The following NBPF15 variants were observed in gnomAD, a reference collection of about 807,000 sequenced individuals.
NBPF15 encodes NBPF family member NBPF15.
In NBPF15, 74 loss-of-function variants were observed where a neutral mutation model predicts 62.2. The ratio of observed to expected loss-of-function variants is 1.19; its 90% CI spans 0.99 to 1.44. The LOEUF (loss-of-function observed/expected upper bound fraction) is 1.44, where lower values mean the gene tolerates loss of function less well. NBPF15 is among the 40% of genes most tolerant of loss of function. The pLI, the probability that NBPF15 is intolerant of heterozygous loss-of-function variation, is 0.00. For missense variants in NBPF15, 790 were observed against 550.0 expected (o/e 1.44, Z -4.36); for synonymous variants, 244 against 209.7 (o/e 1.16, Z -1.41).
chr1:144,445,068 G>A (rs1264780498), intron 6 of NBPF15, among the ~76,000 whole-genome samples: 1 of 151,324 alleles, frequency 6.6e-6, no homozygotes, highest in East Asian at 1.9e-4. Context: ...TTATGGATAT[G>A]TACTGGTATC....
intron 6 of NBPF15, among the ~76,000 whole-genome samples, chr1:144,441,722 T>C (rs1275646075): frequency 4.1e-4 from 62 of 151,610 alleles, no homozygotes; most frequent in African/African-American, 1.5e-3. Context: ...TTCATGAAAC[T>C]ATTTCCTATT....
At chr1:144,451,555 G>A (rs587621686) in intron 4 of NBPF15, among the ~76,000 whole-genome samples, 9 of 152,072 alleles carry the variant, frequency 5.9e-5, no homozygotes, top group African/African-American at 1.7e-4. Flanking sequence ...CCTAGGCAGA[G>A]GTCCCTGCAG....
intron 16 of NBPF15, 126 bp downstream of exon 16, chr1:144,427,692 A>T (rs1489774558): frequency 1.6e-6 from 1 of 623,226 alleles, no homozygotes; most frequent in Non-Finnish European, 2.8e-6. Context: ...TTCAACCTAC[A>T]TGTGCCTATA....
chr1:144,434,932 G>T (rs1289264667), intron 12 of NBPF15, among the ~76,000 whole-genome samples, 179 bp downstream of exon 12: 1 of 152,126 alleles, frequency 6.6e-6, no homozygotes, highest in African/African-American at 2.4e-5. Flanking sequence ...ACTTGATACT[G>T]GGGACTGGCA....
chr1:144,458,780 C>T lies in NBPF15; in HGVS notation c.-701+586G>A, dbSNP rs587671376. On this transcript the variant is annotated intron_variant, in intron 3 of 21. Transcript: ENST00000581897. ...CATAGCCGGGTGGGGTGGCTCATGC[C>T]TGTAATCCCCACACTCTGGGAGGTT... 5.9e-5 allele frequency among the ~76,000 whole-genome samples: 9 copies of T among 152,254 alleles called. No homozygotes were observed. In the East Asian group the frequency reaches 1.7e-3, roughly 29 times the overall value.
intron 6 of NBPF15, among the ~76,000 whole-genome samples, chr1:144,447,563 TG>T (rs1688488872): frequency 6.6e-6 from 1 of 151,572 alleles, no homozygotes; most frequent in South Asian, 2.1e-4. Context: ...AAGCCCCAAG[TG>T]GCATAAGACA....
At position 144,423,096 on chromosome 1, in the gene NBPF15, G is replaced by C. The variant is rs782416298; in HGVS notation, c.1930C>G (p.Leu644Val). ...GTAAAAAACCTATTGTCCACGTAAAGGGCGAAGCTGATATGCTCTTCCTCA... is the reference window on the plus strand; with the variant it reads ...GTAAAAAACCTATTGTCCACGTAAACGGCGAAGCTGATATGCTCTTCCTCA... ...SFEEEHISFA[L>V]YVDNRFFTLT... Residue 644 changes from leucine (L) to valine (V), a missense_variant, in exon 22 of 22, where the codon CTT becomes GTT. Leu to Val is a conservative substitution (Grantham distance 32, BLOSUM62 1). Transcript: ENST00000581897. 1.2e-6 allele frequency: 2 copies of C among 1,611,648 alleles called. No homozygotes were observed. Among genetic ancestry groups the C allele is most frequent in the Non-Finnish European group, 8.5e-7 (1 of 1,179,636 alleles).
intron 4 of NBPF15, among the ~76,000 whole-genome samples, chr1:144,455,620 C>G (rs1434398490): frequency 6.6e-6 from 1 of 152,034 alleles, no homozygotes; most frequent in African/African-American, 2.4e-5. Context: ...AGCTTCCCAG[C>G]TGCAGGTGGG....
At chr1:144,424,311 T>C (rs1336444165) in intron 20 of NBPF15, among the ~76,000 whole-genome samples, 4 of 151,582 alleles carry the variant, frequency 2.6e-5, no homozygotes, top group Non-Finnish European at 4.4e-5. Context: ...TATTTAGCCC[T>C]GTCTCATCAA....
At position 144,456,305 on chromosome 1, in the gene NBPF15, C is replaced by G. The variant is rs71236843; in HGVS notation, c.-432+232G>C. On this transcript the variant is annotated intron_variant, in intron 4 of 21. Coordinates refer to ENST00000581897, the MANE Select transcript of NBPF15 (RefSeq NM_001385408.1). ...AAGGAAAAGTCCTGGAGAGAACACT[C>G]TCCTCTCCTGAGGTAAAATCACTTC... Among the ~76,000 whole-genome samples the G allele has an allele frequency of 5.9e-5, 9 of 151,956 alleles. No individual in the cohort carries two copies. In the East Asian group the frequency reaches 7.7e-4, roughly 13 times the overall value.
intron 17 of NBPF15, 41 bp downstream of exon 17, chr1:144,427,006 T>A (rs1670224222): frequency 2.6e-6 from 2 of 759,256 alleles, no homozygotes; most frequent in Non-Finnish European, 4.8e-6. Flanking sequence ...CATCTCCAGG[T>A]GTCAACACAC....
At chr1:144,438,493 AGATTTTTAAAATCTTT>A (rs1251976254) in intron 8 of NBPF15, among the ~76,000 whole-genome samples, 1 of 151,996 alleles carries the variant, frequency 6.6e-6, no homozygotes, top group African/African-American at 2.4e-5. Flanking sequence ...AGTATGTGAA[AGATTTTTAAAATCTTT>A]GATTTTTAAA....
intron 1 of NBPF15, 125 bp downstream of exon 1, chr1:144,461,256 G>GC (rs1558625805): frequency 2.0e-5 from 3 of 152,178 alleles, no homozygotes; most frequent in Non-Finnish European, 4.4e-5. Context: ...TGGAACTTAA[G>GC]CCCCGGCGGG....
At chr1:144,423,480 A>G (rs1667252278) in intron 21 of NBPF15, among the ~76,000 whole-genome samples, 1 of 152,082 alleles carries the variant, frequency 6.6e-6, no homozygotes, top group African/African-American at 2.4e-5. Flanking sequence ...AGACAGAGAC[A>G]GAGAGAAAGT....
At chr1:144,438,588 C>T (rs1252077039) in intron 8 of NBPF15, among the ~76,000 whole-genome samples, 1 of 151,844 alleles carries the variant, frequency 6.6e-6, no homozygotes, top group Non-Finnish European at 1.5e-5. Flanking sequence ...CACCATAAGG[C>T]CATGAAGGAA....
At chr1:144,428,935 A>C (rs1375560460) in intron 14 of NBPF15, among the ~76,000 whole-genome samples, 1 of 152,046 alleles carries the variant, frequency 6.6e-6, no homozygotes, top group Admixed American at 6.6e-5. Flanking sequence ...TTTTTCCCCA[A>C]TAAATTGTAG....
chr1:144,456,768 C>T lies in NBPF15; in HGVS notation c.-663G>A, dbSNP rs1451548699. The T allele has an allele frequency of 2.4e-6, 2 of 816,644 alleles. No individual in the cohort carries two copies. The highest frequency in any genetic ancestry group is 3.7e-5 in the African/African-American group (2 of 54,260). 50.6% of individuals were successfully genotyped at this position (816,644 alleles called of 1,614,324 possible). A position where few individuals can be genotyped will look rare whatever the true frequency, so the allele number is the denominator to read the frequency against. ...GGTGAGAGCCTGGGTCACCAGGAAC[C>T]TTCGCCTGCATCTAAACAGGATTTG... On this transcript the variant is annotated 5_prime_UTR_variant, in exon 4 of 22. Coordinates refer to ENST00000581897, the MANE Select transcript of NBPF15 (RefSeq NM_001385408.1).
Position 144,426,430 on chromosome 1 carries a change from T to C in NBPF15, c.1286A>G (p.Asp429Gly), listed in dbSNP as rs782691338. 1.3e-5 allele frequency: 10 copies of C among 791,884 alleles called. No individual in the cohort carries two copies. Among genetic ancestry groups the C allele is most frequent in the Non-Finnish European group, 2.3e-5 (10 of 434,502 alleles). The allele number at this position is 791,884 out of a possible 1,614,324, so 49.1% of individuals were successfully genotyped here. A position where few individuals can be genotyped will look rare whatever the true frequency, so the allele number is the denominator to read the frequency against. ...SCPRLSRELL[D>G]EKEPEVLQDS... ...CTGCAAGACTTCAGGCTCTTTCTCA[T>C]CCAGCAGCTCCCTGCTGAGCCTGGA... The change falls in exon 18 of 22, where the codon GAT (aspartate) becomes GGT (glycine). Residue 429 changes from aspartate to glycine, a missense_variant. Coordinates refer to ENST00000581897, the MANE Select transcript of NBPF15 (RefSeq NM_001385408.1).
chr1:144,439,878 A>C lies in NBPF15; in HGVS notation c.126T>G (p.Cys42Trp). Residue 42 changes from cysteine (C) to tryptophan (W), a missense_variant, in exon 8 of 22, where the codon TGT (cysteine) becomes TGG (tryptophan). Physicochemically the swap from Cys to Trp is radical, Grantham distance 215 (BLOSUM62 -2). Coordinates refer to ENST00000581897, the MANE Select transcript of NBPF15 (RefSeq NM_001385408.1). ...GGAAGCCGGCCAGTTGAGTTAGAAA[A>C]CATTTCTCTTTGAGGTTTCTGAACT... Reference protein sequence around the residue: ...KQQFRNLKEKCFLTQLAGFLA... With the variant: ...KQQFRNLKEKWFLTQLAGFLA... 4 of 1,610,806 alleles carry C rather than the reference A, an allele frequency of 2.5e-6. No homozygotes were observed. Among genetic ancestry groups the C allele is most frequent in the Non-Finnish European group, 3.4e-6 (4 of 1,178,934 alleles).
Sources: gnomAD v4.1 joint callset for allele counts (sites outside exome capture counted in the v4.1 genomes callset) on GRCh38, gnomAD v4.1.1 for gene constraint, MANE v1.5 for transcripts, NCBI Gene and HGNC (gene_info 2026-07-23, HGNC 2026-07-21) for gene names.